The following FREM1 variants were observed in gnomAD, a reference collection of about 807,000 sequenced individuals.
FREM1 encodes FRAS1 related extracellular matrix 1.
In FREM1, 220 loss-of-function variants were observed where a neutral mutation model predicts 210.1. That is an observed-to-expected ratio of 1.05 (90% CI 0.94 to 1.17). The LOEUF (loss-of-function observed/expected upper bound fraction) is 1.17, where lower values mean the gene tolerates loss of function less well. FREM1 is among the 50% of genes most tolerant of loss of function. The pLI, the probability that FREM1 is intolerant of heterozygous loss-of-function variation, is 0.00. For missense variants in FREM1, 3,454 were observed against 2,675.5 expected, an observed-to-expected ratio of 1.29 and a Z score of -6.42; for synonymous variants, 1,189 against 980.2, an observed-to-expected ratio of 1.21 and a Z score of -3.98.
rs561411848 is a variant in FREM1, at chr9:14,874,666, C to A, written c.-267-5422G>T. ...TTAATTGGAGCATTTAGTCCATTGA[C>A]ATTTAAACTTAATATTGTTATATGT... On this transcript the variant is annotated intron_variant, in intron 1 of 36. Coordinates refer to ENST00000380880, the MANE Select transcript of FREM1 (RefSeq NM_001379081.2). Among the ~76,000 whole-genome samples the A allele has an allele frequency of 2.6e-4, 39 of 152,070 alleles. 1 individual carries two copies. In the South Asian group the frequency reaches 7.9e-3, roughly 31 times the overall value.
chr9:14,803,524 A>T (rs1817752799), intron 19 of FREM1, among the ~76,000 whole-genome samples: 1 of 151,806 alleles, frequency 6.6e-6, no homozygotes, highest in South Asian at 2.1e-4. Context: ...AGCCTGGCTA[A>T]TTTTTAAAAT....
In FREM1 at chr9:14,747,401, C is replaced by G. The variant is rs1245909567; in HGVS notation, c.5872G>C (p.Glu1958Gln). Residue 1958 changes from glutamate to glutamine, a missense_variant, in exon 33 of 37, where the codon GAG (glutamate) becomes CAG (glutamine). By Grantham distance (29) the Glu-to-Gln change is conservative. Coordinates refer to ENST00000380880, the MANE Select transcript of FREM1 (RefSeq NM_001379081.2). ...NYHGIVSLKL[E>Q]DDSFPTHKRK... Reference sequence around the variant, plus strand: ...TTGTGAGTTGGGAAACTGTCATCCTCCAGTTTCAAGGAAACTATCCCATGA... The same window carrying G: ...TTGTGAGTTGGGAAACTGTCATCCTGCAGTTTCAAGGAAACTATCCCATGA... 6.2e-7 allele frequency: 1 copy of G among 1,613,418 alleles called. No homozygotes were observed. The highest frequency in any genetic ancestry group is 1.7e-5 in the Admixed American group (1 of 59,966).
At chr9:14,755,031 C>T (rs867115450) in intron 29 of FREM1, among the ~76,000 whole-genome samples, 4 of 152,166 alleles carry the variant, frequency 2.6e-5, no homozygotes, top group African/African-American at 9.7e-5. Flanking sequence ...AGGCAGCAGA[C>T]ACTAAGAATG....
At chr9:14,907,584 A>C (rs1430262319) in intron 1 of FREM1, among the ~76,000 whole-genome samples, 3 of 152,222 alleles carry the variant, frequency 2.0e-5, no homozygotes, top group Non-Finnish European at 4.4e-5. Context: ...TGGCGCAGGG[A>C]AACAGCCTTT....
chr9:14,797,175 G>A (rs1260241772), intron 21 of FREM1, among the ~76,000 whole-genome samples: 2 of 152,224 alleles, frequency 1.3e-5, no homozygotes, highest in African/African-American at 4.8e-5. Context: ...TGGTAGGTGT[G>A]CAGTCACGTT....
Position 14,890,553 on chromosome 9 carries a change from TAAAAC to T in FREM1, c.-268+19356_-268+19360del, listed in dbSNP as rs542986658. ...GAAAACGTTTTTTGTTCTTTTTCAT[TAAAAC>T]AAAACAAAACAAAACGGGTTCTTTG... On this transcript the variant is annotated intron_variant, in intron 1 of 36. Transcript: ENST00000380880. Among the ~76,000 whole-genome samples the T allele has an allele frequency of 9.2e-4, 140 of 152,304 alleles. 1 individual carries two copies. In the South Asian group the frequency reaches 0.016, roughly 17 times the overall value.
At chr9:14,765,687 C>A (rs1272175689) in intron 27 of FREM1, among the ~76,000 whole-genome samples, 1 of 152,136 alleles carries the variant, frequency 6.6e-6, no homozygotes, top group Middle Eastern at 3.2e-3. Flanking sequence ...GATGGAAATT[C>A]CTTTTAGTCT....
At chr9:14,785,293 G>A (rs1850238478) in intron 23 of FREM1, among the ~76,000 whole-genome samples, 1 of 152,206 alleles carries the variant, frequency 6.6e-6, no homozygotes, top group African/African-American at 2.4e-5. Context: ...CAACACAGAT[G>A]TAGTTTATTA....
At chr9:14,772,462 T>C (rs759924799) in intron 25 of FREM1, among the ~76,000 whole-genome samples, 4 of 152,140 alleles carry the variant, frequency 2.6e-5, no homozygotes, top group Admixed American at 6.6e-5. Context: ...ACAGGCAATA[T>C]GCATAAAAAA....
chr9:14,873,314 T>A (rs1450935697), intron 1 of FREM1, among the ~76,000 whole-genome samples: 2 of 152,220 alleles, frequency 1.3e-5, no homozygotes, highest in Non-Finnish European at 2.9e-5. Context: ...TCTTTTTGGT[T>A]GGTAAGCTAT....
chr9:14,746,010 T>TCTC (rs57811697), intron 35 of FREM1, among the ~76,000 whole-genome samples: 88,115 of 151,602 alleles, frequency 0.58, 25,916 homozygotes, highest in Non-Finnish European at 0.61. Context: ...ACTCAGAAAA[T>TCTC]CTTCTGATTT....
intron 8 of FREM1, among the ~76,000 whole-genome samples, chr9:14,843,280 C>T (rs1387838247): frequency 6.6e-6 from 1 of 152,166 alleles, no homozygotes; most frequent in Non-Finnish European, 1.5e-5. Context: ...CCTCCACCTT[C>T]CCTACCCCAC....
Position 14,865,552 on chromosome 9 carries a change from G to C in FREM1, c.235-1649C>G, listed in dbSNP as rs571878977. On this transcript the variant is annotated intron_variant, in intron 2 of 36. Transcript: ENST00000380880. The stretch of plus-strand genomic sequence containing the variant: ...TTTTCTGTGCAAGTCACATGAAACT[G>C]TTCATTACACAGCAGGGTGTTGTTA... 1.2e-4 allele frequency among the ~76,000 whole-genome samples: 18 copies of C among 152,276 alleles called. 1 individual carries two copies. Among genetic ancestry groups the C allele is most frequent in the Admixed American group, 9.8e-4 (15 of 15,284 alleles).
chr9:14,841,301 C>T (rs1012175539), intron 10 of FREM1, 146 bp downstream of exon 10: 14 of 603,552 alleles, frequency 2.3e-5, no homozygotes, highest in Non-Finnish European at 3.5e-5. Context: ...AGTCCTATTG[C>T]AAAGAAATCT....
chr9:14,837,798 T>A (rs1341328478), intron 10 of FREM1, among the ~76,000 whole-genome samples: 1 of 152,198 alleles, frequency 6.6e-6, no homozygotes, highest in African/African-American at 2.4e-5. Context: ...GATAACCGGA[T>A]TTAATTTTTA....
chr9:14,894,312 G>A lies in FREM1; in HGVS notation c.-268+15602C>T, dbSNP rs73417677. Among the ~76,000 whole-genome samples the A allele has an allele frequency of 6.8e-3, 1,033 of 152,320 alleles. 15 individuals are homozygous for A. The highest frequency in any genetic ancestry group is 0.024 in the African/African-American group (980 of 41,574). ...TTATGTAAAATTGTTGTATGCCACA[G>A]AAGTAAACAAAATTTCCTTGCCAAT... On this transcript the variant is annotated intron_variant, in intron 1 of 36. Coordinates refer to ENST00000380880, the MANE Select transcript of FREM1 (RefSeq NM_001379081.2).
intron 22 of FREM1, among the ~76,000 whole-genome samples, chr9:14,792,106 G>C (rs1176910615): frequency 6.6e-6 from 1 of 152,182 alleles, no homozygotes; most frequent in Non-Finnish European, 1.5e-5. Context: ...GCCTCCCAAA[G>C]TGCTGGGATT....
intron 24 of FREM1, among the ~76,000 whole-genome samples, chr9:14,777,158 T>C (rs1184493060): frequency 1.3e-5 from 2 of 152,234 alleles, no homozygotes; most frequent in African/African-American, 2.4e-5. Context: ...GCTGAAATGA[T>C]ACACATTTGA....
chr9:14,820,912 T>C (rs1254562229), intron 13 of FREM1, among the ~76,000 whole-genome samples: 1 of 152,244 alleles, frequency 6.6e-6, no homozygotes, highest in East Asian at 1.9e-4. Context: ...CTGAGCTGTA[T>C]TGAATTAGTA....
Sources: allele counts gnomAD v4.1 joint callset (sites outside exome capture counted in the v4.1 genomes callset), GRCh38; gene constraint gnomAD v4.1.1; transcripts MANE v1.5; gene names NCBI Gene and HGNC (gene_info 2026-07-23, HGNC 2026-07-21).